SLC24A4: variants seen among roughly 807,000 people sequenced by gnomAD.
SLC24A4 encodes sodium/potassium/calcium exchanger 4.
SLC24A4 carries 53 observed loss-of-function variants against 79.0 expected under a neutral mutation model. The ratio of observed to expected loss-of-function variants is 0.67; its 90% CI spans 0.54 to 0.84. The LOEUF (loss-of-function observed/expected upper bound fraction) is 0.84, where lower values mean the gene tolerates loss of function less well. Among genes scored for constraint, SLC24A4 ranks in the 40% least tolerant of loss-of-function variants. SLC24A4 has a pLI of 0.00. For missense variants in SLC24A4, 731 were observed against 822.0 expected (o/e 0.89, Z 1.35); for synonymous variants, 323 against 323.8 (o/e 1.00, Z 0.03).
At chr14:92,436,049 C>CTGTT (rs1363739533) in intron 3 of SLC24A4, among the ~76,000 whole-genome samples, 2 of 152,188 alleles carry the variant, frequency 1.3e-5, no homozygotes, top group South Asian at 2.1e-4. Context: ...AGCTCACCAA[C>CTGTT]TGTTTGTTTG....
At chr14:92,365,847 C>A (rs1887806949) in intron 2 of SLC24A4, among the ~76,000 whole-genome samples, 1 of 152,148 alleles carries the variant, frequency 6.6e-6, no homozygotes, top group African/African-American at 2.4e-5. Flanking sequence ...CCCAAGGTCG[C>A]ATGGTGTAAG....
intron 2 of SLC24A4, among the ~76,000 whole-genome samples, chr14:92,356,308 A>G (rs1259139475): frequency 6.6e-6 from 1 of 152,234 alleles, no homozygotes; most frequent in Non-Finnish European, 1.5e-5. Flanking sequence ...GAGCATCTAT[A>G]CTTGGCTTCC....
At position 92,490,174 on chromosome 14, in the gene SLC24A4, A is replaced by G. The variant is rs1442769710; in HGVS notation, c.1538-1491A>G. 2.0e-5 allele frequency among the ~76,000 whole-genome samples: 3 copies of G among 152,232 alleles called. No homozygotes were observed. Among genetic ancestry groups the G allele is most frequent in the African/African-American group, 7.2e-5 (3 of 41,466 alleles). ...ATCTGAGTTGCCTGCCGTATGTGCC[A>G]GCTACCAAAGCAATGTTGTGGTTCT... On this transcript the variant is annotated intron_variant, in intron 14 of 16. Coordinates refer to ENST00000532405, the MANE Select transcript of SLC24A4 (RefSeq NM_153646.4). This position sits in a 1 kb window ranked among gnomAD's most constrained non-coding sequence, Gnocchi z 4.3.
At chr14:92,439,530 G>A (rs1286832752) in intron 4 of SLC24A4, 121 bp downstream of exon 4, 9 of 903,798 alleles carry the variant, frequency 1.0e-5, no homozygotes, top group East Asian at 5.0e-5. Context: ...CTGTCACACC[G>A]AGCACTTAGT....
intron 2 of SLC24A4, among the ~76,000 whole-genome samples, chr14:92,376,759 AT>A (rs1447382169): frequency 3.3e-5 from 5 of 152,194 alleles, no homozygotes; most frequent in Non-Finnish European, 7.3e-5. Context: ...CAAGGCAGTG[AT>A]TGGTTCTCAG....
At chr14:92,373,335 C>T (rs1391120908) in intron 2 of SLC24A4, among the ~76,000 whole-genome samples, 9 of 152,282 alleles carry the variant, frequency 5.9e-5, no homozygotes, top group South Asian at 4.1e-4. Context: ...TGAGCCACCA[C>T]GCCTGGCCAG....
At chr14:92,356,293 T>C (rs4904875) in intron 2 of SLC24A4, among the ~76,000 whole-genome samples, 133,928 of 152,202 alleles carry the variant, frequency 0.88, 59,269 homozygotes, top group East Asian at 0.98. Context: ...CCATCGTAAG[T>C]TGAAGAGCAT....
intron 12 of SLC24A4, among the ~76,000 whole-genome samples, chr14:92,471,019 G>A (rs963167502): frequency 6.6e-6 from 1 of 152,138 alleles, no homozygotes; most frequent in Non-Finnish European, 1.5e-5. Flanking sequence ...ACATCCCTTT[G>A]GGTTAGCCCC....
At position 92,482,737 on chromosome 14, in the gene SLC24A4, G is replaced by A; in HGVS notation, c.1313G>A (p.Cys438Tyr). Residue 438 changes from cysteine (C) to tyrosine (Y), a missense_variant, in exon 13 of 17, where the codon TGC (cysteine) becomes TAC (tyrosine). Cys to Tyr is a radical substitution (Grantham distance 194, BLOSUM62 -2). Coordinates refer to ENST00000532405, the MANE Select transcript of SLC24A4 (RefSeq NM_153646.4). Reference sequence around the variant, plus strand: ...ACCTGGCCCCTCATCTTCCTCCTGTGCGTCACCATTCCCAACTGCAGCAAG... The same window carrying A: ...ACCTGGCCCCTCATCTTCCTCCTGTACGTCACCATTCCCAACTGCAGCAAG... The part of the protein sequence containing the change: ...VFTWPLIFLL[C>Y]VTIPNCSKPR... 1.2e-6 allele frequency: 2 copies of A among 1,614,146 alleles called. No individual in the cohort carries two copies. Among genetic ancestry groups the A allele is most frequent in the Non-Finnish European group, 1.7e-6 (2 of 1,180,014 alleles).
Position 92,398,127 on chromosome 14 carries a change from C to A in SLC24A4, c.242-35785C>A, listed in dbSNP as rs1270540850. 1.3e-5 allele frequency among the ~76,000 whole-genome samples: 2 copies of A among 152,236 alleles called. No individual in the cohort carries two copies. Among genetic ancestry groups the A allele is most frequent in the East Asian group, 3.8e-4 (2 of 5,196 alleles). On this transcript the variant is annotated intron_variant, in intron 2 of 16. Coordinates refer to ENST00000532405, the MANE Select transcript of SLC24A4 (RefSeq NM_153646.4). The surrounding 1 kb of genome is among the most constrained non-coding windows in gnomAD (Gnocchi z 4.1). ...TGGCTGCCATCCCTTTAGGTCCACACACCAAAAGAGGCTTTGTTTTCATTT... is the reference window on the plus strand; with the variant it reads ...TGGCTGCCATCCCTTTAGGTCCACAAACCAAAAGAGGCTTTGTTTTCATTT...
At position 92,492,181 on chromosome 14, in the gene SLC24A4, A is replaced by T. The variant is rs544837171; in HGVS notation, c.1657A>T (p.Ile553Phe). Residue 553 changes from isoleucine (I) to phenylalanine (F), a missense_variant, in exon 16 of 17, where the codon ATC becomes TTC. Coordinates refer to ENST00000532405, the MANE Select transcript of SLC24A4 (RefSeq NM_153646.4). ...CGTGTGTTTGATTTTCCAGGTGAAGATCAACAGCCGGGGGCTGGTCTATTC... is the reference window on the plus strand; with the variant it reads ...CGTGTGTTTGATTTTCCAGGTGAAGTTCAACAGCCGGGGGCTGGTCTATTC... ...MVVNYGSTVK[I>F]NSRGLVYSVV... 1 of 1,614,012 alleles carries T rather than the reference A, an allele frequency of 6.2e-7. No homozygotes were observed. The highest frequency in any genetic ancestry group is 2.2e-5 in the East Asian group (1 of 44,880).
At chr14:92,468,333 A>G in intron 12 of SLC24A4, among the ~76,000 whole-genome samples, 1 of 152,232 alleles carries the variant, frequency 6.6e-6, no homozygotes, top group East Asian at 1.9e-4. Flanking sequence ...AAATGATAAT[A>G]GTCCTCAGAT....
At chr14:92,484,597 C>T (rs1284625059) in intron 13 of SLC24A4, 1 of 985,284 alleles carries the variant, frequency 1.0e-6, no homozygotes, top group Non-Finnish European at 1.2e-6. Flanking sequence ...CAGAACCACT[C>T]CAAGCCTCCA....
intron 2 of SLC24A4, among the ~76,000 whole-genome samples, chr14:92,383,705 C>T (rs1488978081): frequency 6.6e-6 from 1 of 152,184 alleles, no homozygotes; most frequent in African/African-American, 2.4e-5. Flanking sequence ...AGGTGACCGG[C>T]ACCGAATGGG....
rs36185636 is a variant in SLC24A4, at chr14:92,474,863, A to ATATATAT, written c.1256-7816_1256-7815insATATATT. 3.0e-3 allele frequency among the ~76,000 whole-genome samples: 171 copies of ATATATAT among 57,112 alleles called. 14 individuals are homozygous for ATATATAT. The highest frequency in any genetic ancestry group is 3.8e-3 in the African/African-American group (58 of 15,402). 37.5% of individuals were successfully genotyped at this position (57,112 alleles called of 152,430 possible). A position where few individuals can be genotyped will look rare whatever the true frequency, so the allele number is the denominator to read the frequency against. ...TGTGTGTATATATATATATATATATATTTTTTTTTTTTTTAGTAGACACAG... is the reference window on the plus strand; with the variant it reads ...TGTGTGTATATATATATATATATATATATATATTTTTTTTTTTTTTTAGTAGACACAG... On this transcript the variant is annotated intron_variant, in intron 12 of 16. Transcript: ENST00000532405.
intron 12 of SLC24A4, among the ~76,000 whole-genome samples, chr14:92,463,349 G>T (rs780721506): frequency 6.6e-6 from 1 of 152,138 alleles, no homozygotes; most frequent in Non-Finnish European, 1.5e-5. Flanking sequence ...TTAGCGTCTC[G>T]GCACGTTGGT....
At chr14:92,373,211 C>CAT (rs3032615) in intron 2 of SLC24A4, among the ~76,000 whole-genome samples, 8,774 of 149,284 alleles carry the variant, frequency 0.059, 300 homozygotes, top group South Asian at 0.07. Context: ...CACACACACA[C>CAT]ATATATATAT....
intron 2 of SLC24A4, among the ~76,000 whole-genome samples, chr14:92,425,329 AG>A (rs1891506705): frequency 6.6e-6 from 1 of 152,242 alleles, no homozygotes; most frequent in Non-Finnish European, 1.5e-5. Flanking sequence ...TTTCCAAATA[AG>A]GTCAATGCTA....
intron 7 of SLC24A4, among the ~76,000 whole-genome samples, chr14:92,443,834 G>T (rs1892640374): frequency 6.6e-6 from 1 of 152,166 alleles, no homozygotes; most frequent in Non-Finnish European, 1.5e-5. Context: ...GAGCTTGGCG[G>T]GCAGGGCTGC....
Sources: allele counts gnomAD v4.1 joint callset (sites outside exome capture counted in the v4.1 genomes callset), GRCh38; gene constraint gnomAD v4.1.1; non-coding constraint Gnocchi (gnomAD v3.1); transcripts MANE v1.5; gene names NCBI Gene and HGNC (gene_info 2026-07-23, HGNC 2026-07-21).